Variants in COMMD10 observed in about 807,000 individuals in gnomAD.
COMMD10 encodes the protein COMM domain-containing protein 10.
Under a neutral mutation model 28.9 loss-of-function variants are expected in COMMD10, and 33 were observed. The observed-to-expected ratio is 1.14, with a 90% CI of 0.87 to 1.53. The LOEUF is 1.53. Among genes scored for constraint, COMMD10 ranks in the 40% most tolerant of loss-of-function variants. The pLI, the probability that COMMD10 is intolerant of heterozygous loss-of-function variation, is 0.00. For synonymous variants in COMMD10, 110 were observed against 81.7 expected (o/e 1.35, Z -1.87); for missense variants, 310 against 233.4 (o/e 1.33, Z -2.14).
chr5:116,281,288 A>G (rs1026024555), intron 5 of COMMD10, among the ~76,000 whole-genome samples: 1 of 151,672 alleles, frequency 6.6e-6, no homozygotes, highest in Middle Eastern at 3.2e-3. Flanking sequence ...ATCAAGTCAG[A>G]CCTTTCTGAA....
intron 5 of COMMD10, among the ~76,000 whole-genome samples, chr5:116,261,991 C>G (rs564546730): frequency 2.0e-5 from 3 of 151,806 alleles, no homozygotes; most frequent in South Asian, 2.1e-4. Context: ...TTAACACAAT[C>G]CTTAGAGATC....
chr5:116,188,846 T>C (rs1748245306), intron 5 of COMMD10, among the ~76,000 whole-genome samples: 2 of 152,182 alleles, frequency 1.3e-5, no homozygotes, highest in African/African-American at 4.8e-5. Flanking sequence ...CCCAGGCTAG[T>C]CGTGAACTTG....
At chr5:116,225,628 C>T (rs1269801839) in intron 5 of COMMD10, among the ~76,000 whole-genome samples, 1 of 151,994 alleles carries the variant, frequency 6.6e-6, no homozygotes, top group Non-Finnish European at 1.5e-5. Context: ...GGCAGATGCT[C>T]ATCTTCTTTG....
intron 5 of COMMD10, among the ~76,000 whole-genome samples, chr5:116,134,663 C>G (rs926607357): frequency 6.6e-6 from 1 of 152,152 alleles, no homozygotes; most frequent in African/African-American, 2.4e-5. Context: ...TGCTGTCGCC[C>G]AGGTTGGAGT....
chr5:116,245,026 A>G (rs907977713), intron 5 of COMMD10, among the ~76,000 whole-genome samples: 57 of 143,338 alleles, frequency 4.0e-4, no homozygotes, highest in African/African-American at 1.3e-3. Flanking sequence ...AATCATTCAA[A>G]ACATAAATCC....
intron 4 of COMMD10, among the ~76,000 whole-genome samples, chr5:116,113,616 G>T (rs1431816476): frequency 2.0e-5 from 3 of 151,806 alleles, no homozygotes; most frequent in Non-Finnish European, 1.5e-5. Context: ...ATCTCCTTCA[G>T]TGAATTTTTT....
At chr5:116,181,758 T>C (rs2112597209) in intron 5 of COMMD10, among the ~76,000 whole-genome samples, 1 of 152,222 alleles carries the variant, frequency 6.6e-6, no homozygotes, top group East Asian at 1.9e-4. Context: ...AAGAAAGTTA[T>C]CTTTAACTTC....
chr5:116,196,388 G>T (rs756098219), intron 5 of COMMD10, among the ~76,000 whole-genome samples: 9 of 152,014 alleles, frequency 5.9e-5, no homozygotes, highest in Non-Finnish European at 1.2e-4. Context: ...TACAAATATG[G>T]TGCAGTGTAT....
intron 5 of COMMD10, among the ~76,000 whole-genome samples, chr5:116,264,844 T>TATA (rs1206172974): frequency 1.3e-5 from 2 of 151,890 alleles, no homozygotes; most frequent in African/African-American, 4.9e-5. Flanking sequence ...TATTTGATTT[T>TATA]TATAGCAAGT....
At chr5:116,220,858 T>C (rs1006279300) in intron 5 of COMMD10, among the ~76,000 whole-genome samples, 1 of 152,084 alleles carries the variant, frequency 6.6e-6, no homozygotes, top group Non-Finnish European at 1.5e-5. Context: ...TATAAACTTA[T>C]AAAATTAATC....
chr5:116,292,665 G>T lies in COMMD10; in HGVS notation c.*176G>T. 4.5e-6 allele frequency: 2 copies of T among 442,532 alleles called. No individual in the cohort carries two copies. The highest frequency in any genetic ancestry group is 4.0e-6 in the Non-Finnish European group (1 of 249,520). The allele number at this position is 442,532 out of a possible 1,614,324, so 27.4% of individuals were successfully genotyped here. A position where few individuals can be genotyped will look rare whatever the true frequency, so the allele number is the denominator to read the frequency against. ...TAGAGATCATTGTTAAGAATACTGA[G>T]GTTCTAATATACTTTCTTTAGTTCT... On this transcript the variant is annotated 3_prime_UTR_variant, in exon 7 of 7. Transcript: ENST00000274458.
chr5:116,282,461 CTT>C (rs1317577936), intron 5 of COMMD10, among the ~76,000 whole-genome samples: 1 of 151,846 alleles, frequency 6.6e-6, no homozygotes, highest in Non-Finnish European at 1.5e-5. Context: ...TTATATCACT[CTT>C]ATATCTAAAA....
At chr5:116,225,067 T>C (rs963879595) in intron 5 of COMMD10, among the ~76,000 whole-genome samples, 7 of 152,292 alleles carry the variant, frequency 4.6e-5, no homozygotes, top group African/African-American at 1.7e-4. Context: ...TCTTTTGCCA[T>C]TTCCAATTTG....
intron 5 of COMMD10, among the ~76,000 whole-genome samples, chr5:116,280,893 T>G (rs752202973): frequency 1.3e-5 from 2 of 151,932 alleles, no homozygotes; most frequent in Non-Finnish European, 2.9e-5. Context: ...TCAGTAAGAC[T>G]TGAAATATTA....
intron 5 of COMMD10, among the ~76,000 whole-genome samples, chr5:116,225,812 T>G (rs1580563445): frequency 6.6e-6 from 1 of 152,122 alleles, no homozygotes; most frequent in African/African-American, 2.4e-5. Flanking sequence ...AATCTTGTTT[T>G]TTTTTTTTTC....
intron 5 of COMMD10, among the ~76,000 whole-genome samples, chr5:116,157,817 T>A (rs1226077552): frequency 6.6e-6 from 1 of 152,202 alleles, no homozygotes; most frequent in African/African-American, 2.4e-5. Flanking sequence ...AAGTTGTGAT[T>A]GTTCTACATC....
chr5:116,203,201 AAAG>A (rs947331180), intron 5 of COMMD10, among the ~76,000 whole-genome samples: 6 of 152,166 alleles, frequency 3.9e-5, no homozygotes, highest in Non-Finnish European at 7.3e-5. Context: ...AAAAGAATAA[AAAG>A]AAACGCAGAA....
chr5:116,097,505 A>G (rs1472766256), intron 4 of COMMD10, among the ~76,000 whole-genome samples: 5 of 152,224 alleles, frequency 3.3e-5, no homozygotes, highest in Non-Finnish European at 5.9e-5. Flanking sequence ...TTCCTAAGCT[A>G]TTATGCTATC....
intron 5 of COMMD10, among the ~76,000 whole-genome samples, chr5:116,142,293 TTAA>T (rs1244577617): frequency 6.6e-6 from 1 of 151,870 alleles, no homozygotes; most frequent in Non-Finnish European, 1.5e-5. Context: ...TTAGGATTTC[TTAA>T]TAATTCTTAC....
Sources: gnomAD v4.1 joint callset for allele counts (sites outside exome capture counted in the v4.1 genomes callset) on GRCh38, gnomAD v4.1.1 for gene constraint, MANE v1.5 for transcripts, NCBI Gene and HGNC (gene_info 2026-07-23, HGNC 2026-07-21) for gene names.